The following PRKAR1A variants were observed in gnomAD, a reference collection of about 807,000 sequenced individuals.
PRKAR1A encodes the protein cAMP-dependent protein kinase type I-alpha regulatory subunit.
PRKAR1A carries 3 observed loss-of-function variants against 52.0 expected under a neutral mutation model. The ratio of observed to expected loss-of-function variants is 0.06; its 90% confidence interval spans 0.03 to 0.15. The LOEUF is 0.15. PRKAR1A is among the 10% of genes least tolerant of loss of function. The pLI is 1.00. For synonymous variants in PRKAR1A, 188 were observed against 168.4 expected (o/e 1.12, Z -0.90); for missense variants, 240 against 477.4 (o/e 0.50, Z 4.63).
chr17:68,543,635 A>G, intron 11 of PRKAR1A: 2 of 1,614,098 alleles, frequency 1.2e-6, no homozygotes, highest in Non-Finnish European at 1.7e-6. Context: ...CTACCTGTCC[A>G]GATGGAAAGC....
In PRKAR1A at chr17:68,530,489, C is replaced by T. The variant is rs775983642; in HGVS notation, c.*40C>T. ...GCCTCCCTTTTCTCCTCTCCCCAAT[C>T]CATGCTTCACTCATGCAAACTGCTT... On this transcript the variant is annotated 3_prime_UTR_variant, in exon 11 of 11. Coordinates refer to ENST00000589228, the MANE Select transcript of PRKAR1A (RefSeq NM_002734.5). 4 of 1,613,864 alleles carry T rather than the reference C, an allele frequency of 2.5e-6. No individual in the cohort carries two copies. The highest frequency in any genetic ancestry group is 1.1e-5 in the South Asian group (1 of 91,058).
the PRKAR1A span, among the ~76,000 whole-genome samples, chr17:68,458,633 AC>A: frequency 8.5e-5 from 13 of 152,352 alleles, 1 homozygote; most frequent in East Asian, 1.5e-3. Context: ...TTCAAAACTC[AC>A]GTAATTCGAG....
chr17:68,447,984 C>CAAAAA, the PRKAR1A span, among the ~76,000 whole-genome samples: 1 of 80,240 alleles, frequency 1.2e-5, no homozygotes, highest in Non-Finnish European at 2.5e-5. Flanking sequence ...GACTCTATCT[C>CAAAAA]AAAAAAAAAA....
the PRKAR1A span, among the ~76,000 whole-genome samples, chr17:68,437,003 A>ATATATAT: frequency 1.3e-4 from 8 of 60,394 alleles, no homozygotes; most frequent in South Asian, 3.9e-4. Context: ...CAAAAAAAAA[A>ATATATAT]AAATATATAT....
At chr17:68,526,303 C>T (rs759054323) in intron 7 of PRKAR1A, among the ~76,000 whole-genome samples, 2 of 152,226 alleles carry the variant, frequency 1.3e-5, no homozygotes, top group Non-Finnish European at 2.9e-5. Flanking sequence ...ATCAGCTTCC[C>T]TAACCTGTGA....
the PRKAR1A span, chr17:68,426,072 C>G: frequency 6.2e-7 from 1 of 1,612,804 alleles, no homozygotes; most frequent in Non-Finnish European, 8.5e-7. Flanking sequence ...TCCTAATGCT[C>G]ACAGGAGGAA....
chr17:68,437,016 A>ATGTGTGTGTGTG, the PRKAR1A span, among the ~76,000 whole-genome samples: 10,396 of 144,542 alleles, frequency 0.072, 432 homozygotes, highest in Middle Eastern at 0.11. Flanking sequence ...ATATATATAT[A>ATGTGTGTGTGTG]TGTGTGTGTG....
chr17:68,530,679 C>T lies in PRKAR1A; in HGVS notation c.*230C>T. The T allele has an allele frequency of 7.0e-7, 1 of 1,427,272 alleles. No individual in the cohort carries two copies. The highest frequency in any genetic ancestry group is 1.4e-5 in the South Asian group (1 of 70,258). 88.4% of individuals were successfully genotyped at this position (1,427,272 alleles called of 1,614,324 possible). Reference sequence around the variant, plus strand: ...GAGTTCTATGGAGACTTTGCTGTTACTGCTTCTCTTTGTGCAGTGTTAGTA... The same window carrying T: ...GAGTTCTATGGAGACTTTGCTGTTATTGCTTCTCTTTGTGCAGTGTTAGTA... On this transcript the variant is annotated 3_prime_UTR_variant, in exon 11 of 11. Coordinates refer to ENST00000589228, the MANE Select transcript of PRKAR1A (RefSeq NM_002734.5).
intron 5 of PRKAR1A, 22 bp downstream of exon 5, chr17:68,524,099 A>C (rs1251973068): frequency 6.2e-7 from 1 of 1,612,636 alleles, no homozygotes; most frequent in Non-Finnish European, 8.5e-7. Context: ...TGGAGCATGC[A>C]ATATTGTTAC....
At chr17:68,515,994 A>G (rs2085421216) in intron 2 of PRKAR1A, among the ~76,000 whole-genome samples, 1 of 152,212 alleles carries the variant, frequency 6.6e-6, no homozygotes, top group African/African-American at 2.4e-5. Flanking sequence ...TTTTAAAACT[A>G]GTGTAATGAA....
the PRKAR1A span, among the ~76,000 whole-genome samples, chr17:68,486,222 A>G: frequency 6.6e-6 from 1 of 151,776 alleles, no homozygotes; most frequent in African/African-American, 2.4e-5. Context: ...TAATGTCCGC[A>G]TAATTAAGGA....
chr17:68,500,249 C>T, the PRKAR1A span, among the ~76,000 whole-genome samples: 69 of 152,280 alleles, frequency 4.5e-4, no homozygotes, highest in Middle Eastern at 6.8e-3. Flanking sequence ...ATAATTCCCA[C>T]GTGTGTGGGA....
the PRKAR1A span, among the ~76,000 whole-genome samples, chr17:68,469,327 C>T: frequency 6.6e-6 from 1 of 152,016 alleles, no homozygotes; most frequent in East Asian, 1.9e-4. Flanking sequence ...ATTTCTTCTA[C>T]CCCCAGGAGC....
chr17:68,418,849 A>G, the PRKAR1A span, among the ~76,000 whole-genome samples: 1 of 152,166 alleles, frequency 6.6e-6, no homozygotes, highest in Non-Finnish European at 1.5e-5. Context: ...AGCAACTGAT[A>G]AGTTTCTATC....
chr17:68,515,619 T>C (rs749334953), intron 2 of PRKAR1A, 43 bp downstream of exon 2: 11 of 1,581,806 alleles, frequency 7.0e-6, no homozygotes, highest in Non-Finnish European at 9.5e-6. Context: ...TTGTGACAGT[T>C]GTTACATTTA....
At chr17:68,541,113 A>G (rs2086270181) in intron 11 of PRKAR1A, 1 of 1,101,136 alleles carries the variant, frequency 9.1e-7, no homozygotes, top group African/African-American at 1.6e-5. Context: ...CTGGGCAAGG[A>G]CGCGTAAGGC....
At chr17:68,443,956 C>A in the PRKAR1A span, among the ~76,000 whole-genome samples, 1 of 152,138 alleles carries the variant, frequency 6.6e-6, no homozygotes, top group Non-Finnish European at 1.5e-5. Context: ...TTCTTATACA[C>A]CAGGAATGTA....
chr17:68,414,625 G>T, the PRKAR1A span, among the ~76,000 whole-genome samples: 1 of 152,170 alleles, frequency 6.6e-6, no homozygotes, highest in Admixed American at 6.5e-5. Flanking sequence ...TGAATGTCTG[G>T]TGGAATTCTG....
At chr17:68,496,818 CT>C in the PRKAR1A span, among the ~76,000 whole-genome samples, 1,068 of 91,026 alleles carry the variant, frequency 0.012, 2 homozygotes, top group African/African-American at 0.034. Flanking sequence ...TTAGTTTTTA[CT>C]TTTTTTTTTT....
Sources: gnomAD v4.1 joint callset for allele counts (sites outside exome capture counted in the v4.1 genomes callset) on GRCh38, gnomAD v4.1.1 for gene constraint, MANE v1.5 for transcripts, NCBI Gene and HGNC (gene_info 2026-07-23, HGNC 2026-07-21) for gene names.